The following CMC2 variants were observed in gnomAD, a reference collection of about 807,000 sequenced individuals.
The protein encoded by CMC2 is COX assembly mitochondrial protein 2 homolog.
Under a neutral mutation model 7.5 loss-of-function variants are expected in CMC2, and 5 were observed. The observed-to-expected ratio is 0.66, with a 90% CI of 0.35 to 1.40. CMC2 has a LOEUF of 1.40. CMC2 is among the 40% of genes most tolerant of loss of function. CMC2 has a pLI of 0.04. For missense variants in CMC2, 115 were observed against 92.3 expected, an observed-to-expected ratio of 1.25 and a Z score of -1.01; for synonymous variants, 37 against 31.4, an observed-to-expected ratio of 1.18 and a Z score of -0.60.
chr16:81,006,524 C>A (rs1969357020), intron 1 of CMC2: 1 of 186,372 alleles, frequency 5.4e-6, no homozygotes, highest in Non-Finnish European at 1.0e-5. Context: ...CTGTCTCGGC[C>A]ACCAGCGTGT....
chr16:80,996,565 T>A lies in CMC2; in HGVS notation c.81+749A>T, dbSNP rs573708422. ...ATCTGACTTCACATTTTATAAGCACTACTTACCACCTTACTTTTGGTCTAT... is the reference window on the plus strand; with the variant it reads ...ATCTGACTTCACATTTTATAAGCACAACTTACCACCTTACTTTTGGTCTAT... On this transcript the variant is annotated intron_variant, in intron 2 of 3. Coordinates refer to ENST00000219400, the MANE Select transcript of CMC2 (RefSeq NM_020188.5). 2.0e-4 allele frequency among the ~76,000 whole-genome samples: 31 copies of A among 152,356 alleles called. 1 individual carries two copies. In the South Asian group the frequency reaches 6.2e-3, roughly 31 times the overall value.
chr16:80,988,206 C>A (rs375174248), intron 2 of CMC2, among the ~76,000 whole-genome samples: 1 of 150,368 alleles, frequency 6.7e-6, no homozygotes, highest in African/African-American at 2.4e-5. Context: ...ATTAACTTTT[C>A]CCCCCCAGAT....
chr16:80,990,273 T>C lies in CMC2; in HGVS notation c.81+7041A>G, dbSNP rs1938391070. Among the ~76,000 whole-genome samples the C allele has an allele frequency of 2.6e-5, 4 of 152,104 alleles. No individual in the cohort carries two copies. The South Asian group carries it at 8.3e-4, about 32-fold the overall frequency. ...GCAACCTCTGTCTCCCAGGTTCAAG[T>C]GATTCTCCTGCCTCAGCCTCCTGAG... is the stretch of plus-strand genomic sequence containing the variant. On this transcript the variant is annotated intron_variant, in intron 2 of 3. Coordinates refer to ENST00000219400, the MANE Select transcript of CMC2 (RefSeq NM_020188.5).
chr16:80,996,980 T>A (rs955169638), intron 2 of CMC2: 1 of 457,238 alleles, frequency 2.2e-6, no homozygotes, highest in South Asian at 1.6e-5. Flanking sequence ...AATTCCATTA[T>A]AATCAGAAGT....
Position 80,975,055 on chromosome 16 carries a change from G to T in CMC2, c.*1038C>A, listed in dbSNP as rs1173454700. 1 of 152,290 alleles carries T rather than the reference G, an allele frequency of 6.6e-6. No homozygotes were observed. The highest frequency in any genetic ancestry group is 1.5e-5 in the Non-Finnish European group (1 of 68,086). 9.4% of individuals were successfully genotyped at this position (152,290 alleles called of 1,614,324 possible). On this transcript the variant is annotated 3_prime_UTR_variant, in exon 4 of 4. Coordinates refer to ENST00000219400, the MANE Select transcript of CMC2 (RefSeq NM_020188.5). ...CACCTGACAAGATCAAGCCCCTGCT[G>T]TGACTGCAGCTGGAAGCTGCTGACT...
chr16:80,988,816 T>TC (rs200333716), intron 2 of CMC2, among the ~76,000 whole-genome samples: 1 of 142,424 alleles, frequency 7.0e-6, no homozygotes, highest in Non-Finnish European at 1.6e-5. Flanking sequence ...CTTTTTTTTT[T>TC]CCAACTCTAA....
chr16:80,988,716 T>C, intron 2 of CMC2: 1 of 569,022 alleles, frequency 1.8e-6, no homozygotes, highest in East Asian at 3.0e-5. Context: ...TGCCTAATAA[T>C]ATCATTCATG....
chr16:80,995,497 G>A (rs1331842401), intron 2 of CMC2, among the ~76,000 whole-genome samples: 1 of 151,738 alleles, frequency 6.6e-6, no homozygotes, highest in Non-Finnish European at 1.5e-5. Context: ...CTCTACTAAA[G>A]ATAAAAAAAA....
chr16:81,000,791 GTTC>G (rs1214604102), intron 1 of CMC2, among the ~76,000 whole-genome samples: 1 of 152,200 alleles, frequency 6.6e-6, no homozygotes, highest in Admixed American at 6.5e-5. Flanking sequence ...AGTCTGGAGA[GTTC>G]TCAAAGAGCT....
chr16:80,968,725 A>G lies in CMC2; in HGVS notation c.*7368T>C, dbSNP rs762569003. ...ATAGCATATATCAAATATAGTTTTT[A>G]AAGGTGTAGTTGAGCTCACAAGAAA... is the stretch of plus-strand genomic sequence containing the variant. On this transcript the variant is annotated 3_prime_UTR_variant, in exon 4 of 4. Transcript: ENST00000219400. 5 of 152,232 alleles carry G rather than the reference A, an allele frequency of 3.3e-5. No individual in the cohort carries two copies. The highest frequency in any genetic ancestry group is 7.3e-5 in the Non-Finnish European group (5 of 68,040). The allele number at this position is 152,232 out of a possible 1,614,324, so 9.4% of individuals were successfully genotyped here. A position where few individuals can be genotyped will look rare whatever the true frequency, so the allele number is the denominator to read the frequency against.
chr16:80,985,638 A>G (rs1454473916), intron 2 of CMC2, among the ~76,000 whole-genome samples: 1 of 152,114 alleles, frequency 6.6e-6, no homozygotes, highest in Non-Finnish European at 1.5e-5. Context: ...AAAGAGTGCA[A>G]AAGAGTCCTG....
At chr16:80,979,064 G>A (rs746852575) in intron 3 of CMC2, among the ~76,000 whole-genome samples, 12 of 151,414 alleles carry the variant, frequency 7.9e-5, no homozygotes, top group Non-Finnish European at 1.3e-4. Flanking sequence ...CTGGGTGACA[G>A]AGTGAGACTC....
chr16:80,992,719 T>TTG (rs1555516106), intron 2 of CMC2, among the ~76,000 whole-genome samples: 34 of 135,052 alleles, frequency 2.5e-4, no homozygotes, highest in Non-Finnish European at 3.3e-4. Context: ...TTTTTTTTTT[T>TTG]TTTGTGTAAA....
chr16:80,983,568 G>A (rs889477398), intron 2 of CMC2: 2 of 152,200 alleles, frequency 1.3e-5, no homozygotes, highest in Non-Finnish European at 2.9e-5. Context: ...TGGCCACACT[G>A]CCATGGGCAG....
rs1911653626 is a variant in CMC2, at chr16:80,967,731, A to T, written c.*8362T>A. 6.6e-6 allele frequency: 1 copy of T among 152,214 alleles called. No individual in the cohort carries two copies. Among genetic ancestry groups the T allele is most frequent in the Admixed American group, 6.5e-5 (1 of 15,278 alleles). 9.4% of individuals were successfully genotyped at this position (152,214 alleles called of 1,614,324 possible). A position where few individuals can be genotyped will look rare whatever the true frequency, so the allele number is the denominator to read the frequency against. On this transcript the variant is annotated 3_prime_UTR_variant, in exon 4 of 4. Transcript: ENST00000219400. ...AGGAAATATGGATGCTCTGTAAGCA[A>T]ATACTCCAGTGAAAAATAGCCAGGT... is the stretch of plus-strand genomic sequence containing the variant.
chr16:80,984,217 A>G (rs1967349777), intron 2 of CMC2: 1 of 152,242 alleles, frequency 6.6e-6, no homozygotes, highest in Non-Finnish European at 1.5e-5. Context: ...CAGTAGGAAC[A>G]TAATTAGTGT....
In CMC2 at chr16:80,973,811, G is replaced by A. The variant is rs1441920339; in HGVS notation, c.*2282C>T. On this transcript the variant is annotated 3_prime_UTR_variant, in exon 4 of 4. Coordinates refer to ENST00000219400, the MANE Select transcript of CMC2 (RefSeq NM_020188.5). Reference sequence around the variant, plus strand: ...TTCAGTGTGTACTTTACTCTACAGGGATCAGCAACAGCTGCAACACAAGAG... The same window carrying A: ...TTCAGTGTGTACTTTACTCTACAGGAATCAGCAACAGCTGCAACACAAGAG... The A allele has an allele frequency of 6.6e-6, 1 of 152,164 alleles. No homozygotes were observed. Among genetic ancestry groups the A allele is most frequent in the African/African-American group, 2.4e-5 (1 of 41,420 alleles). The allele number at this position is 152,164 out of a possible 1,614,324, so 9.4% of individuals were successfully genotyped here.
At chr16:80,980,039 C>T (rs1453124503) in intron 3 of CMC2, among the ~76,000 whole-genome samples, 1 of 152,214 alleles carries the variant, frequency 6.6e-6, no homozygotes, top group Non-Finnish European at 1.5e-5. Context: ...CCGCCTCAGC[C>T]TCCCAAGTAG....
chr16:80,977,592 CAA>C (rs1912565394), intron 3 of CMC2, among the ~76,000 whole-genome samples: 1 of 152,162 alleles, frequency 6.6e-6, no homozygotes, highest in African/African-American at 2.4e-5. Context: ...CCCCGCCACC[CAA>C]GAGAGAGTAA....
Sources: gnomAD v4.1 joint callset for allele counts (sites outside exome capture counted in the v4.1 genomes callset) on GRCh38, gnomAD v4.1.1 for gene constraint, MANE v1.5 for transcripts, NCBI Gene and HGNC (gene_info 2026-07-23, HGNC 2026-07-21) for gene names.